The following FARS2 variants were observed in gnomAD, a reference collection of about 807,000 sequenced individuals.
The protein encoded by FARS2 is phenylalanine--tRNA ligase, mitochondrial.
In FARS2, 40 loss-of-function variants were observed where a neutral mutation model predicts 46.4. That is an observed-to-expected ratio of 0.86 (90% CI 0.67 to 1.12). The LOEUF (loss-of-function observed/expected upper bound fraction) is 1.12. Among genes scored for constraint, FARS2 ranks in the 50% most tolerant of loss-of-function variants. The pLI is 0.00. For synonymous variants in FARS2, 234 were observed against 214.9 expected (o/e 1.09, Z -0.78); for missense variants, 513 against 567.9 (o/e 0.90, Z 0.98).
At chr6:5,739,422 CTGT>C (rs1761174851) in intron 6 of FARS2, among the ~76,000 whole-genome samples, 1 of 152,006 alleles carries the variant, frequency 6.6e-6, no homozygotes, top group African/African-American at 2.4e-5. Context: ...GAACACCTGC[CTGT>C]TGTTTGACCA....
At chr6:5,404,284 C>A (rs1761426703) in intron 2 of FARS2, among the ~76,000 whole-genome samples, 1 of 152,166 alleles carries the variant, frequency 6.6e-6, no homozygotes. Context: ...TAAGTTCATG[C>A]AAATCAAAAA....
chr6:5,277,945 A>G (rs1192994398), intron 1 of FARS2, among the ~76,000 whole-genome samples: 1 of 152,194 alleles, frequency 6.6e-6, no homozygotes, highest in African/African-American at 2.4e-5. Flanking sequence ...AGCAGAGTGG[A>G]TACTTAGGAG....
chr6:5,573,455 C>A (rs1427236187), intron 5 of FARS2, among the ~76,000 whole-genome samples: 1 of 152,160 alleles, frequency 6.6e-6, no homozygotes, highest in Non-Finnish European at 1.5e-5. Flanking sequence ...TTTATTTAAT[C>A]CCAGCTGAAT....
At chr6:5,627,851 G>T (rs978628648) in intron 6 of FARS2, among the ~76,000 whole-genome samples, 7 of 152,176 alleles carry the variant, frequency 4.6e-5, no homozygotes, top group South Asian at 4.1e-4. Context: ...GTGTTTTCCA[G>T]CTAGGTGACC....
Position 5,369,053 on chromosome 6 carries a change from G to C in FARS2, c.483G>C (p.Trp161Cys). Residue 161 changes from tryptophan to cysteine, a missense_variant, in exon 2 of 7, where the codon TGG (tryptophan) becomes TGC (cysteine). Physicochemically the swap from Trp to Cys is radical, Grantham distance 215 (BLOSUM62 -2). Transcript: ENST00000274680. ...MLRAHTSAHQ[W>C]DLLHAGLDAF... ...GAGCGCACACGTCTGCACACCAGTG[G>C]GACTTGCTGCACGCGGGACTGGATG... 2 of 1,613,994 alleles carry C rather than the reference G, an allele frequency of 1.2e-6. No homozygotes were observed. The highest frequency in any genetic ancestry group is 3.3e-4 in the Middle Eastern group (2 of 6,062).
intron 4 of FARS2, among the ~76,000 whole-genome samples, chr6:5,528,874 T>C (rs1769641757): frequency 6.6e-6 from 1 of 152,182 alleles, no homozygotes; most frequent in African/African-American, 2.4e-5. Context: ...CATTTTGTAG[T>C]TATGAAATTA....
intron 6 of FARS2, among the ~76,000 whole-genome samples, chr6:5,709,463 C>T (rs1758970636): frequency 6.6e-6 from 1 of 152,176 alleles, no homozygotes; most frequent in African/African-American, 2.4e-5. Flanking sequence ...CTGATGTACA[C>T]AGTGAGCTGC....
At chr6:5,518,032 G>A (rs919329541) in intron 4 of FARS2, among the ~76,000 whole-genome samples, 4 of 152,182 alleles carry the variant, frequency 2.6e-5, no homozygotes, top group South Asian at 2.1e-4. Flanking sequence ...TCAGAATAAG[G>A]TGTTTAAACT....
At chr6:5,282,723 G>T (rs986420333) in intron 1 of FARS2, among the ~76,000 whole-genome samples, 2 of 152,202 alleles carry the variant, frequency 1.3e-5, no homozygotes, top group Non-Finnish European at 2.9e-5. Context: ...ATGGTGCCTA[G>T]CGTCAATCAG....
intron 6 of FARS2, among the ~76,000 whole-genome samples, chr6:5,729,245 C>A (rs1342163615): frequency 1.3e-5 from 2 of 152,162 alleles, no homozygotes; most frequent in Non-Finnish European, 2.9e-5. Context: ...ACCTTCCTCT[C>A]GAGGTAAAGG....
intron 4 of FARS2, among the ~76,000 whole-genome samples, chr6:5,507,781 G>A (rs186672532): frequency 3.7e-4 from 57 of 152,362 alleles, no homozygotes; most frequent in African/African-American, 1.2e-3. Context: ...AGAGAAGACC[G>A]GAGGGAGCAG....
At chr6:5,447,105 C>T (rs1262687179) in intron 4 of FARS2, among the ~76,000 whole-genome samples, 1 of 152,094 alleles carries the variant, frequency 6.6e-6, no homozygotes. Context: ...AATAATGTGA[C>T]CAGATTGATA....
At chr6:5,253,397 G>A in the FARS2 span, among the ~76,000 whole-genome samples, 39 of 149,450 alleles carry the variant, frequency 2.6e-4, no homozygotes, top group Admixed American at 1.1e-3. Flanking sequence ...ATGTGGTTAT[G>A]TTATACATCA....
At chr6:5,406,621 T>G (rs9504392) in intron 3 of FARS2, among the ~76,000 whole-genome samples, 162 of 152,338 alleles carry the variant, frequency 1.1e-3, no homozygotes, top group African/African-American at 3.8e-3. Flanking sequence ...AGTTGATTCC[T>G]TTTGTTAATC....
intron 6 of FARS2, among the ~76,000 whole-genome samples, chr6:5,738,503 T>C (rs1761094371): frequency 6.7e-6 from 1 of 148,892 alleles, no homozygotes; most frequent in Admixed American, 6.6e-5. Context: ...AGCATCATCA[T>C]TTCTTAGAAG....
chr6:5,707,876 C>T (rs932210532), intron 6 of FARS2, among the ~76,000 whole-genome samples: 16 of 152,204 alleles, frequency 1.1e-4, no homozygotes, highest in Non-Finnish European at 1.5e-4. Flanking sequence ...AACAGAAGGC[C>T]GGAGTTGAAC....
intron 4 of FARS2, among the ~76,000 whole-genome samples, chr6:5,485,890 G>C (rs563530472): frequency 6.6e-6 from 1 of 152,278 alleles, no homozygotes; most frequent in Non-Finnish European, 1.5e-5. Flanking sequence ...AGCCACATGT[G>C]GCTGGTGCCT....
At chr6:5,592,537 C>T (rs73358301) in intron 5 of FARS2, among the ~76,000 whole-genome samples, 12,128 of 152,192 alleles carry the variant, frequency 0.08, 1,564 homozygotes, top group African/African-American at 0.27. Flanking sequence ...TGTGATCTTA[C>T]AGTAGAAAAT....
In FARS2 at chr6:5,347,429, TTGTGTC is replaced by T. The variant is rs573125075; in HGVS notation, c.-21-21118_-21-21113del. On this transcript the variant is annotated intron_variant, in intron 1 of 6. Coordinates refer to ENST00000274680, the MANE Select transcript of FARS2 (RefSeq NM_006567.5). The stretch of plus-strand genomic sequence containing the variant: ...CCATAAAGAGAGTCATATATATTCT[TTGTGTC>T]TGGTTTCCTTCACTTATCAAATGTT... Among the ~76,000 whole-genome samples the T allele has an allele frequency of 7.1e-4, 108 of 152,292 alleles. 1 individual carries two copies. Among genetic ancestry groups the T allele is most frequent in the South Asian group, 3.5e-3 (17 of 4,822 alleles).
Sources: gnomAD v4.1 joint callset for allele counts (sites outside exome capture counted in the v4.1 genomes callset) on GRCh38, gnomAD v4.1.1 for gene constraint, MANE v1.5 for transcripts, NCBI Gene and HGNC (gene_info 2026-07-23, HGNC 2026-07-21) for gene names.